Variants in AGBL4 observed in about 807,000 individuals in gnomAD.
The protein encoded by AGBL4 is AGBL carboxypeptidase 4.
Under a neutral mutation model 66.4 loss-of-function variants are expected in AGBL4, and 58 were observed. The ratio of observed to expected loss-of-function variants is 0.87; its 90% CI spans 0.71 to 1.09. AGBL4 has a LOEUF of 1.09. Among genes scored for constraint, AGBL4 ranks in the 50% least tolerant of loss-of-function variants. The pLI, the probability that AGBL4 is intolerant of heterozygous loss-of-function variation, is 0.00. For synonymous variants in AGBL4, 234 were observed against 222.9 expected, an observed-to-expected ratio of 1.05 and a Z score of -0.44; for missense variants, 579 against 631.0, an observed-to-expected ratio of 0.92 and a Z score of 0.88.
intron 3 of AGBL4, among the ~76,000 whole-genome samples, chr1:49,631,671 T>C (rs184173434): frequency 6.6e-6 from 1 of 152,182 alleles, no homozygotes; most frequent in Non-Finnish European, 1.5e-5. Context: ...TCACTACCTG[T>C]TGGGAGAAAT....
At chr1:49,038,609 T>C (rs1259849792) in intron 5 of AGBL4, among the ~76,000 whole-genome samples, 4 of 152,124 alleles carry the variant, frequency 2.6e-5, no homozygotes, top group African/African-American at 9.7e-5. Context: ...ATGCTTTACA[T>C]CATATGTCAC....
At chr1:49,124,740 TGAG>T (rs1006091862) in intron 4 of AGBL4, among the ~76,000 whole-genome samples, 34 of 152,206 alleles carry the variant, frequency 2.2e-4, no homozygotes, top group Admixed American at 6.5e-5. Flanking sequence ...ATAAAACAGT[TGAG>T]GAAACCAGGA....
chr1:48,888,425 C>T (rs144098605), intron 5 of AGBL4, among the ~76,000 whole-genome samples: 122 of 152,228 alleles, frequency 8.0e-4, no homozygotes, highest in African/African-American at 2.8e-3. Flanking sequence ...ACTTCCTCTG[C>T]GCCATAGCCT....
rs541317167 is a variant in AGBL4 at position 49,805,270 on chromosome 1, G to A, written c.157+46126C>T. On this transcript the variant is annotated intron_variant, in intron 2 of 13. Coordinates refer to ENST00000371839, the MANE Select transcript of AGBL4 (RefSeq NM_032785.4). ...TGTTGACAGAACTATAAGAACAGAA[G>A]ATAAGAATTCAGATTTAGCAAACTG... 4.0e-4 allele frequency among the ~76,000 whole-genome samples: 61 copies of A among 152,284 alleles called. 2 individuals are homozygous for A. The South Asian group carries it at 0.012, about 31-fold the overall frequency.
chr1:49,464,034 C>T (rs543868594), intron 3 of AGBL4, among the ~76,000 whole-genome samples: 84 of 151,642 alleles, frequency 5.5e-4, no homozygotes, highest in African/African-American at 2.0e-3. Context: ...ACAAAGATGA[C>T]TGAGAGACAG....
At chr1:49,194,397 A>G (rs908831695) in intron 4 of AGBL4, among the ~76,000 whole-genome samples, 2 of 152,134 alleles carry the variant, frequency 1.3e-5, no homozygotes, top group East Asian at 3.9e-4. Context: ...CTTTCAGTGT[A>G]TATGTGTTTT....
chr1:49,356,712 GA>G (rs1263293685), intron 3 of AGBL4, among the ~76,000 whole-genome samples: 1 of 152,166 alleles, frequency 6.6e-6, no homozygotes, highest in African/African-American at 2.4e-5. Flanking sequence ...TGACAGGCAG[GA>G]AAGAAGTGTG....
intron 3 of AGBL4, among the ~76,000 whole-genome samples, chr1:49,495,339 T>G (rs1232813430): frequency 6.6e-6 from 1 of 152,232 alleles, no homozygotes; most frequent in East Asian, 1.9e-4. Flanking sequence ...TAAACTTTCT[T>G]AAAACATTAT....
intron 4 of AGBL4, among the ~76,000 whole-genome samples, chr1:49,074,696 A>G (rs1644677051): frequency 6.6e-6 from 1 of 152,198 alleles, no homozygotes; most frequent in African/African-American, 2.4e-5. Context: ...ACTCCTAAAA[A>G]AATAACTAGT....
At position 49,149,373 on chromosome 1, in the gene AGBL4, T is replaced by G. The variant is rs146696182; in HGVS notation, c.377+96397A>C. On this transcript the variant is annotated intron_variant, in intron 4 of 13. Transcript: ENST00000371839. The stretch of plus-strand genomic sequence containing the variant: ...AGGTGTGCCATTTGAGAACACACTT[T>G]CCTTGCACAAACAGAACAGTTTCTC... Among the ~76,000 whole-genome samples the G allele has an allele frequency of 2.4e-4, 36 of 152,324 alleles. No individual in the cohort carries two copies. The Middle Eastern group carries it at 0.02, about 86-fold the overall frequency.
At chr1:48,840,355 C>T (rs898829468) in intron 6 of AGBL4, among the ~76,000 whole-genome samples, 8 of 152,068 alleles carry the variant, frequency 5.3e-5, no homozygotes, top group Non-Finnish European at 8.8e-5. Context: ...TTGAGAAAAA[C>T]GAGGCAGTTA....
At chr1:48,684,457 C>A (rs1570245710) in intron 6 of AGBL4, among the ~76,000 whole-genome samples, 1 of 152,208 alleles carries the variant, frequency 6.6e-6, no homozygotes, top group Non-Finnish European at 1.5e-5. Flanking sequence ...CCAGGGCTAA[C>A]CTTTGACTGG....
intron 3 of AGBL4, among the ~76,000 whole-genome samples, chr1:49,409,225 G>C (rs533634559): frequency 6.7e-6 from 1 of 150,228 alleles, no homozygotes; most frequent in African/African-American, 2.4e-5. Context: ...ACTTTTTGTT[G>C]CAACCCACAT....
chr1:49,755,025 A>G (rs1031702600), intron 2 of AGBL4, among the ~76,000 whole-genome samples: 2 of 152,194 alleles, frequency 1.3e-5, no homozygotes, highest in African/African-American at 4.8e-5. Context: ...GCTTTACTCC[A>G]AGCCTAATAA....
intron 11 of AGBL4, chr1:48,585,945 TAA>T (rs954221064): frequency 1.3e-5 from 2 of 152,184 alleles, no homozygotes; most frequent in African/African-American, 4.8e-5. Context: ...GAAAAAATGC[TAA>T]AAGAGCACTT....
chr1:48,895,785 T>C (rs1409718396), intron 5 of AGBL4, among the ~76,000 whole-genome samples: 1 of 152,134 alleles, frequency 6.6e-6, no homozygotes, highest in Non-Finnish European at 1.5e-5. Context: ...ATTCTGATCA[T>C]TTAATTTTAC....
At chr1:48,643,682 C>T (rs1389344064) in intron 8 of AGBL4, among the ~76,000 whole-genome samples, 1 of 152,172 alleles carries the variant, frequency 6.6e-6, no homozygotes, top group African/African-American at 2.4e-5. Context: ...AACTTTCAGC[C>T]CTCAGGAATG....
At chr1:49,562,020 T>G (rs1191699398) in intron 3 of AGBL4, among the ~76,000 whole-genome samples, 2 of 152,164 alleles carry the variant, frequency 1.3e-5, no homozygotes, top group Admixed American at 6.6e-5. Flanking sequence ...TGAGATGGTA[T>G]CTCATTGTGG....
intron 2 of AGBL4, among the ~76,000 whole-genome samples, chr1:49,825,756 C>T (rs747007026): frequency 6.6e-6 from 1 of 152,116 alleles, no homozygotes; most frequent in Non-Finnish European, 1.5e-5. Flanking sequence ...GCAGAACTGG[C>T]TCTTCCCTGG....
Sources: allele counts gnomAD v4.1 joint callset (sites outside exome capture counted in the v4.1 genomes callset), GRCh38; gene constraint gnomAD v4.1.1; transcripts MANE v1.5; gene names NCBI Gene and HGNC (gene_info 2026-07-23, HGNC 2026-07-21).